PTPRN: variants seen among roughly 807,000 people sequenced by gnomAD.
The protein encoded by PTPRN is protein tyrosine phosphatase receptor type N, also known as receptor-type tyrosine-protein phosphatase-like N.
Under a neutral mutation model 108.5 loss-of-function variants are expected in PTPRN, and 70 were observed. The observed-to-expected ratio is 0.65, with a 90% confidence interval of 0.53 to 0.79. PTPRN has a LOEUF of 0.79. PTPRN is among the 30% of genes least tolerant of loss of function. The probability of loss-of-function intolerance (pLI) is 0.00; values close to 1 mark genes in which losing one functional copy is unlikely to be tolerated. For synonymous variants in PTPRN, 496 were observed against 524.6 expected, an observed-to-expected ratio of 0.95 and a Z score of 0.75; for missense variants, 1,136 against 1,295.5, an observed-to-expected ratio of 0.88 and a Z score of 1.89.
Position 219,296,671 on chromosome 2 carries a change from G to A in PTPRN, c.2310+78C>T. 6 of 1,581,762 alleles carry A rather than the reference G, an allele frequency of 3.8e-6. No homozygotes were observed. Among genetic ancestry groups the A allele is most frequent in the Non-Finnish European group, 5.2e-6 (6 of 1,157,376 alleles). ...CTCCAGGGGGTTGGTGGGGTGGCAG[G>A]TGACCACGGGGAAATGGAGTGCATA... On this transcript the variant is annotated intron_variant, in intron 16 of 22. Coordinates refer to ENST00000295718, the MANE Select transcript of PTPRN (RefSeq NM_002846.4). This position sits in a 1 kb window ranked among gnomAD's most constrained non-coding sequence, Gnocchi z 6.0.
At chr2:219,291,600 C>T in intron 19 of PTPRN, 77 bp from the exon 20 acceptor site, 1 of 1,427,480 alleles carries the variant, frequency 7.0e-7, no homozygotes, top group Non-Finnish European at 9.8e-7. Flanking sequence ...ATGACGTGGG[C>T]CTCTCTTTCT....
At chr2:219,300,838 G>C in intron 8 of PTPRN, 105 bp downstream of exon 8, 1 of 1,307,418 alleles carries the variant, frequency 7.6e-7, no homozygotes, top group African/African-American at 1.5e-5. Context: ...CCAAAATGAG[G>C]GGTGGGAGGA....
chr2:219,308,017 A>C (rs1952527254), intron 1 of PTPRN, 175 bp from the exon 2 acceptor site: 2 of 632,208 alleles, frequency 3.2e-6, no homozygotes, highest in Admixed American at 5.9e-5. Flanking sequence ...GAAGCATGGG[A>C]TCTTGTTTTG....
At chr2:219,299,523 G>A in intron 10 of PTPRN, 139 bp from the exon 11 acceptor site, 1 of 1,159,560 alleles carries the variant, frequency 8.6e-7, no homozygotes, top group South Asian at 1.4e-5. Flanking sequence ...TCTTAGGCAA[G>A]GAAGATGCTG....
Position 219,290,479 on chromosome 2 carries a change from C to A in PTPRN, c.2868+59G>T, listed in dbSNP as rs1056674823. 1.3e-6 allele frequency: 2 copies of A among 1,494,848 alleles called. No individual in the cohort carries two copies. The highest frequency in any genetic ancestry group is 2.8e-5 in the African/African-American group (2 of 71,734). 92.6% of individuals were successfully genotyped at this position (1,494,848 alleles called of 1,614,324 possible). On this transcript the variant is annotated intron_variant, in intron 22 of 22. Transcript: ENST00000295718. This position sits in a 1 kb window ranked among gnomAD's most constrained non-coding sequence, Gnocchi z 4.2. ...CAGCTGCTGCTTTCCCTGGGGTGGC[C>A]AAGAAGTGGGTGCTAGGGAAGGGTG... is the stretch of plus-strand genomic sequence containing the variant.
chr2:219,308,998 C>G (rs1211957835), intron 1 of PTPRN: 4 of 1,526,526 alleles, frequency 2.6e-6, no homozygotes, highest in Non-Finnish European at 8.8e-7. Flanking sequence ...CCCCAGAGCC[C>G]AATTCTCTTA....
Position 219,290,428 on chromosome 2 carries a change from G to C in PTPRN, c.2868+110C>G. 7.2e-7 allele frequency: 1 copy of C among 1,386,612 alleles called. No individual in the cohort carries two copies. The highest frequency in any genetic ancestry group is 2.5e-5 in the East Asian group (1 of 40,040). 85.9% of individuals were successfully genotyped at this position (1,386,612 alleles called of 1,614,324 possible). A position where few individuals can be genotyped will look rare whatever the true frequency, so the allele number is the denominator to read the frequency against. On this transcript the variant is annotated intron_variant, in intron 22 of 22. Transcript: ENST00000295718. The surrounding 1 kb of genome is among the most constrained non-coding windows in gnomAD (Gnocchi z 4.2). ...GAGGAAGGGAGCCCTCCTGGAGGAG[G>C]CGCAGAAGCAGGTGGGAAAGGTTGG...
intron 3 of PTPRN, among the ~76,000 whole-genome samples, chr2:219,305,055 C>T (rs190843423): frequency 1.5e-4 from 23 of 152,196 alleles, no homozygotes; most frequent in Middle Eastern, 3.4e-3. Context: ...ATCTAGTGGT[C>T]AATTTTCATA....
chr2:219,296,854 C>T lies in PTPRN; in HGVS notation c.2237-32G>A, dbSNP rs1393560336. On this transcript the variant is annotated intron_variant, in intron 15 of 22. Transcript: ENST00000295718. The surrounding 1 kb of genome is among the most constrained non-coding windows in gnomAD (Gnocchi z 6.0). ...AGACCCGACACCCCACCCCAGATGG[C>T]CCTCTGGTCATTGGCATCGCGGGAC... 1 of 1,613,858 alleles carries T rather than the reference C, an allele frequency of 6.2e-7. No homozygotes were observed. The highest frequency in any genetic ancestry group is 1.3e-5 in the African/African-American group (1 of 74,888).
chr2:219,300,533 T>G, intron 8 of PTPRN: 1 of 468,800 alleles, frequency 2.1e-6, no homozygotes. Context: ...GAAGCTGGGG[T>G]GAGGGTAAAA....
At position 219,295,021 on chromosome 2, in the gene PTPRN, C is replaced by T. The variant is rs754704560; in HGVS notation, c.2629G>A (p.Ala877Thr). The T allele has an allele frequency of 1.9e-6, 3 of 1,610,260 alleles. No homozygotes were observed. The highest frequency in any genetic ancestry group is 2.5e-6 in the Non-Finnish European group (3 of 1,178,324). ...LTQFHFLSWP[A>T]EGTPASTRPL... is the part of the protein sequence containing the mutation. Reference sequence around the variant, plus strand: ...CGCGTGGAGGCCGGTGTGCCCTCTGCCGGCCAGCTGAGGAAGTGGAACTGC... The same window carrying T: ...CGCGTGGAGGCCGGTGTGCCCTCTGTCGGCCAGCTGAGGAAGTGGAACTGC... Residue 877 changes from alanine (A) to threonine (T), a missense_variant, in exon 19 of 23, where the codon GCA becomes ACA. Coordinates refer to ENST00000295718, the MANE Select transcript of PTPRN (RefSeq NM_002846.4).
At chr2:219,304,618 G>T (rs1320975355) in intron 3 of PTPRN, among the ~76,000 whole-genome samples, 2 of 151,932 alleles carry the variant, frequency 1.3e-5, no homozygotes, top group Non-Finnish European at 2.9e-5. Context: ...TTGTATTCTG[G>T]TATCTACCAA....
At position 219,302,751 on chromosome 2, in the gene PTPRN, T is replaced by C. The variant is rs559995567; in HGVS notation, c.464A>G (p.His155Arg). The C allele has an allele frequency of 2.2e-5, 35 of 1,613,672 alleles. No homozygotes were observed. In the African/African-American group the frequency reaches 3.9e-4, roughly 18 times the overall value. Residue 155 changes from histidine to arginine, a missense_variant, in exon 5 of 23, where the codon CAT (histidine) becomes CGT (arginine). Coordinates refer to ENST00000295718, the MANE Select transcript of PTPRN (RefSeq NM_002846.4). ...IPTGSAPAAQ[H>R]RLPQPPVGKG... is the part of the protein sequence containing the mutation. ...GCCCACTGGTGGTTGTGGAAGCCGATGCTGGGCAGCAGGGGCGGAGCCAGT... is the reference window on the plus strand; with the variant it reads ...GCCCACTGGTGGTTGTGGAAGCCGACGCTGGGCAGCAGGGGCGGAGCCAGT...
At chr2:219,308,178 C>A in intron 1 of PTPRN, 1 of 314,464 alleles carries the variant, frequency 3.2e-6, no homozygotes, top group Non-Finnish European at 5.9e-6. Flanking sequence ...ATTTCCTTCC[C>A]AAATATGGAA....
Position 219,309,099 on chromosome 2 carries a change from C to A in PTPRN, c.115+119G>T, listed in dbSNP as rs765770703. Reference sequence around the variant, plus strand: ...CACCTTCCTCATCTCGCATGCCTCCCCCAACCCATATTCTCCCCGAGCTTC... The same window carrying A: ...CACCTTCCTCATCTCGCATGCCTCCACCAACCCATATTCTCCCCGAGCTTC... On this transcript the variant is annotated intron_variant, in intron 1 of 22. Coordinates refer to ENST00000295718, the MANE Select transcript of PTPRN (RefSeq NM_002846.4). 2.7e-6 allele frequency: 4 copies of A among 1,507,106 alleles called. No individual in the cohort carries two copies. The South Asian group carries it at 4.9e-5, about 18-fold the overall frequency. The allele number at this position is 1,507,106 out of a possible 1,614,324, so 93.4% of individuals were successfully genotyped here. A position where few individuals can be genotyped will look rare whatever the true frequency, so the allele number is the denominator to read the frequency against.
rs1952568962 is a variant in PTPRN at position 219,309,308 on chromosome 2, C to G, written c.25G>C (p.Gly9Arg). The G allele has an allele frequency of 3.3e-6, 5 of 1,493,004 alleles. No homozygotes were observed. The highest frequency in any genetic ancestry group is 4.4e-6 in the Non-Finnish European group (5 of 1,125,292). The allele number at this position is 1,493,004 out of a possible 1,614,324, so 92.5% of individuals were successfully genotyped here. MRRPRRPG[G>R]LGGSGGLRLL... Reference sequence around the variant, plus strand: ...CGGAGACCCCCGGATCCCCCGAGACCCCCAGGCCGCCGCGGGCGCCGCATC... The same window carrying G: ...CGGAGACCCCCGGATCCCCCGAGACGCCCAGGCCGCCGCGGGCGCCGCATC... The change falls in exon 1 of 23, where the codon GGT (glycine) becomes CGT (arginine). Residue 9 changes from glycine (G) to arginine (R), a missense_variant. Gly to Arg is a moderately radical substitution (Grantham distance 125). Coordinates refer to ENST00000295718, the MANE Select transcript of PTPRN (RefSeq NM_002846.4).
Position 219,297,055 on chromosome 2 carries a change from C to T in PTPRN, c.2166G>A (p.Glu722=). Residue 722 remains glutamate (E), a synonymous_variant, in exon 15 of 23, where the codon GAG becomes GAA. Coordinates refer to ENST00000295718, the MANE Select transcript of PTPRN (RefSeq NM_002846.4). The surrounding 1 kb of genome is among the most constrained non-coding windows in gnomAD (Gnocchi z 6.0). ...CCTGCGCGGTGGCACAGGTGTTTGGCTCTGCTTGGTAGGCACAGAGGGCCT... is the reference window on the plus strand; with the variant it reads ...CCTGCGCGGTGGCACAGGTGTTTGGTTCTGCTTGGTAGGCACAGAGGGCCT... ...EWQALCAYQA[E]PNTCATAQGE... is the part of the protein sequence containing the mutation. 1 of 1,614,104 alleles carries T rather than the reference C, an allele frequency of 6.2e-7. No individual in the cohort carries two copies.
chr2:219,294,189 G>A (rs754044701), intron 19 of PTPRN: 17 of 494,832 alleles, frequency 3.4e-5, no homozygotes, highest in Admixed American at 3.2e-4. Context: ...AAATGACACT[G>A]GCAGCTGTGA....
At chr2:219,298,633 C>T (rs1181571527) in intron 12 of PTPRN, among the ~76,000 whole-genome samples, 1 of 152,248 alleles carries the variant, frequency 6.6e-6, no homozygotes, top group Non-Finnish European at 1.5e-5. Flanking sequence ...TCGCTTGAAC[C>T]TGGCAGGTGG....
Sources: gnomAD v4.1 joint callset for allele counts (sites outside exome capture counted in the v4.1 genomes callset) on GRCh38, gnomAD v4.1.1 for gene constraint, Gnocchi (gnomAD v3.1) non-coding constraint, MANE v1.5 for transcripts, NCBI Gene and HGNC (gene_info 2026-07-23, HGNC 2026-07-21) for gene names.